Variants in SCHIP1 observed in about 807,000 individuals in gnomAD.
The protein encoded by SCHIP1 is schwannomin-interacting protein 1.
Under a neutral mutation model 29.7 loss-of-function variants are expected in SCHIP1, and 8 were observed. The observed-to-expected ratio is 0.27, with a 90% confidence interval of 0.16 to 0.49. The LOEUF (loss-of-function observed/expected upper bound fraction) is 0.49, where lower values mean the gene tolerates loss of function less well. Ranked by LOEUF, SCHIP1 falls within the 20% of genes least tolerant of loss-of-function variation. SCHIP1 has a pLI of 0.99. For missense variants in SCHIP1, 193 were observed against 294.6 expected, an observed-to-expected ratio of 0.66 and a Z score of 2.52; for synonymous variants, 76 against 94.9, an observed-to-expected ratio of 0.80 and a Z score of 1.16.
chr3:159,531,659 G>C, the SCHIP1 span, among the ~76,000 whole-genome samples: 1 of 152,204 alleles, frequency 6.6e-6, no homozygotes. Flanking sequence ...GATCCAGAAA[G>C]TCATGCCCTG....
chr3:159,838,127 T>G (rs535458808), upstream of SCHIP1, among the ~76,000 whole-genome samples: 1 of 152,286 alleles, frequency 6.6e-6, no homozygotes, highest in East Asian at 1.9e-4. Flanking sequence ...TTCTCCTCAC[T>G]AGGAAGGCTG....
At chr3:159,527,057 G>A in the SCHIP1 span, among the ~76,000 whole-genome samples, 1 of 152,188 alleles carries the variant, frequency 6.6e-6, no homozygotes, top group Admixed American at 6.5e-5. Flanking sequence ...TAGGTTTCTA[G>A]TTCTGCCTGG....
At chr3:159,338,427 AG>A in the SCHIP1 span, among the ~76,000 whole-genome samples, 4 of 152,176 alleles carry the variant, frequency 2.6e-5, no homozygotes, top group Non-Finnish European at 4.4e-5. Context: ...GTAAAGTGCC[AG>A]GGTGTCTGGT....
the SCHIP1 span, among the ~76,000 whole-genome samples, chr3:159,396,142 C>T: frequency 7.2e-6 from 1 of 139,456 alleles, no homozygotes; most frequent in Admixed American, 7.5e-5. Flanking sequence ...AGGATTCCAA[C>T]CCCTGCCTTT....
At chr3:159,764,482 G>T in the SCHIP1 span, 1 of 1,589,148 alleles carries the variant, frequency 6.3e-7, no homozygotes, top group East Asian at 2.3e-5. This position sits in a 1 kb window ranked among gnomAD's most constrained non-coding sequence, Gnocchi z 6.1. Flanking sequence ...CAGTGACGCC[G>T]GCAGCAGCAG....
At chr3:159,675,394 G>A in the SCHIP1 span, among the ~76,000 whole-genome samples, 2 of 152,214 alleles carry the variant, frequency 1.3e-5, no homozygotes, top group African/African-American at 2.4e-5. Flanking sequence ...AGTCGTGAAG[G>A]TTGACACCAT....
At chr3:159,600,896 G>A in the SCHIP1 span, among the ~76,000 whole-genome samples, 1 of 152,192 alleles carries the variant, frequency 6.6e-6, no homozygotes, top group African/African-American at 2.4e-5. Context: ...CTGGGTGCAT[G>A]CAGTAGTATA....
At chr3:159,440,495 GA>G in the SCHIP1 span, among the ~76,000 whole-genome samples, 3 of 152,292 alleles carry the variant, frequency 2.0e-5, no homozygotes, top group African/African-American at 7.2e-5. Context: ...TCTGAAGAAA[GA>G]AGGACAAGAA....
chr3:159,539,683 C>T, the SCHIP1 span, among the ~76,000 whole-genome samples: 2 of 135,760 alleles, frequency 1.5e-5, no homozygotes, highest in South Asian at 2.4e-4. Flanking sequence ...CACAATAGGA[C>T]GTCACTCTCC....
At chr3:159,424,651 G>C in the SCHIP1 span, among the ~76,000 whole-genome samples, 5 of 152,182 alleles carry the variant, frequency 3.3e-5, no homozygotes, top group Non-Finnish European at 7.3e-5. Context: ...CCCCAATCTA[G>C]CAAGGCAGGC....
At chr3:159,737,084 C>G in the SCHIP1 span, among the ~76,000 whole-genome samples, 1 of 152,154 alleles carries the variant, frequency 6.6e-6, no homozygotes, top group Non-Finnish European at 1.5e-5. Context: ...GTGTTTATGG[C>G]AAATTGATAT....
the SCHIP1 span, among the ~76,000 whole-genome samples, chr3:159,812,549 A>G: frequency 2.0e-4 from 31 of 152,370 alleles, no homozygotes; most frequent in South Asian, 6.2e-3. Flanking sequence ...AGTCCAAATG[A>G]ACCTTGTCCT....
At chr3:159,864,756 T>A (rs1050461534) in intron 1 of SCHIP1, among the ~76,000 whole-genome samples, 1 of 152,202 alleles carries the variant, frequency 6.6e-6, no homozygotes, top group Non-Finnish European at 1.5e-5. Context: ...CTGTTGAAGC[T>A]GGATCTTGGG....
At chr3:159,617,718 C>A in the SCHIP1 span, among the ~76,000 whole-genome samples, 4 of 152,164 alleles carry the variant, frequency 2.6e-5, 1 homozygote, top group East Asian at 3.8e-4. Flanking sequence ...TACTACCCCC[C>A]CTAGGAAGAG....
intron 2 of SCHIP1, among the ~76,000 whole-genome samples, chr3:159,879,905 G>A (rs1716263795): frequency 6.6e-6 from 1 of 152,208 alleles, no homozygotes; most frequent in Admixed American, 6.5e-5. Flanking sequence ...AAGTCAGTGA[G>A]GAGATTCTGT....
chr3:159,423,674 A>T, the SCHIP1 span, among the ~76,000 whole-genome samples: 1 of 152,114 alleles, frequency 6.6e-6, no homozygotes. Context: ...GCAGACTTAA[A>T]TGTCCCTGTC....
chr3:159,659,887 G>A, the SCHIP1 span, among the ~76,000 whole-genome samples: 1 of 152,132 alleles, frequency 6.6e-6, no homozygotes, highest in African/African-American at 2.4e-5. Flanking sequence ...GAAAAATAGG[G>A]GAGGGGGCTT....
chr3:159,730,050 A>T, the SCHIP1 span, among the ~76,000 whole-genome samples: 33 of 152,222 alleles, frequency 2.2e-4, no homozygotes, highest in Admixed American at 1.3e-4. Context: ...ATGGCATCAT[A>T]ATGTATCTAT....
chr3:159,545,112 G>A, the SCHIP1 span, among the ~76,000 whole-genome samples: 1 of 152,076 alleles, frequency 6.6e-6, no homozygotes, highest in Non-Finnish European at 1.5e-5. Context: ...CATAGTGCCA[G>A]GCAATGCCTC....
Sources: allele counts gnomAD v4.1 joint callset (sites outside exome capture counted in the v4.1 genomes callset), GRCh38; gene constraint gnomAD v4.1.1; non-coding constraint Gnocchi (gnomAD v3.1); transcripts MANE v1.5; gene names NCBI Gene and HGNC (gene_info 2026-07-23, HGNC 2026-07-21).